The following HPSE2 variants were observed in gnomAD, a reference collection of about 807,000 sequenced individuals.
The protein encoded by HPSE2 is heparanase 2 (inactive), also known as inactive heparanase-2.
A neutral mutation model predicts 60.5 loss-of-function variants in HPSE2; 38 were observed. The ratio of observed to expected loss-of-function variants is 0.63; its 90% CI spans 0.48 to 0.82. HPSE2 has a LOEUF of 0.82. Among genes scored for constraint, HPSE2 ranks in the 40% least tolerant of loss-of-function variants. The probability of loss-of-function intolerance (pLI) is 0.00; values close to 1 mark genes in which losing one functional copy is unlikely to be tolerated. For synonymous variants in HPSE2, 295 were observed against 293.2 expected, an observed-to-expected ratio of 1.01 and a Z score of -0.06; for missense variants, 713 against 740.4, an observed-to-expected ratio of 0.96 and a Z score of 0.43.
chr10:99,151,222 A>C (rs1488046993), intron 2 of HPSE2, among the ~76,000 whole-genome samples: 1 of 152,084 alleles, frequency 6.6e-6, no homozygotes, highest in Non-Finnish European at 1.5e-5. Flanking sequence ...GCCAGTTTCC[A>C]ATAAAATATT....
rs147557517 is a variant in HPSE2 at position 99,003,277 on chromosome 10, A to C, written c.610+140961T>G. On this transcript the variant is annotated intron_variant, in intron 3 of 11. Coordinates refer to ENST00000370552, the MANE Select transcript of HPSE2 (RefSeq NM_021828.5). ...GCTTGTGGACACTTAGATTGATTCC[A>C]TATATGGCTATTATGAATAATGCTG... 7.6e-3 allele frequency among the ~76,000 whole-genome samples: 1,155 copies of C among 152,150 alleles called. 8 individuals are homozygous for C. The highest frequency in any genetic ancestry group is 0.027 in the African/African-American group (1,109 of 41,536).
intron 3 of HPSE2, chr10:99,013,246 AT>A: frequency 4.6e-6 from 3 of 646,816 alleles, no homozygotes; most frequent in Non-Finnish European, 5.9e-6. Context: ...ACAGTTATGC[AT>A]TTTTTAACAT....
chr10:99,179,361 T>C (rs555687319), intron 2 of HPSE2, among the ~76,000 whole-genome samples: 1 of 152,140 alleles, frequency 6.6e-6, no homozygotes, highest in African/African-American at 2.4e-5. Flanking sequence ...GATTGTATAT[T>C]TAGAAAACCC....
At chr10:98,593,174 G>GAAGGAA (rs1206306706) in intron 9 of HPSE2, among the ~76,000 whole-genome samples, 1 of 152,142 alleles carries the variant, frequency 6.6e-6, no homozygotes, top group African/African-American at 2.4e-5. Flanking sequence ...AACTATGATA[G>GAAGGAA]AAGGAACTAA....
At chr10:99,252,535 A>C in the HPSE2 span, among the ~76,000 whole-genome samples, 1 of 152,160 alleles carries the variant, frequency 6.6e-6, no homozygotes, top group East Asian at 1.9e-4. Flanking sequence ...ATAATGTTCA[A>C]TCTAAGAGCC....
At chr10:99,091,426 T>C (rs996947838) in intron 3 of HPSE2, among the ~76,000 whole-genome samples, 7 of 152,174 alleles carry the variant, frequency 4.6e-5, no homozygotes, top group Non-Finnish European at 8.8e-5. Flanking sequence ...CCCAGGTCTC[T>C]AGACTCTATG....
intron 9 of HPSE2, among the ~76,000 whole-genome samples, chr10:98,503,790 T>A (rs1214117795): frequency 6.6e-6 from 1 of 152,188 alleles, no homozygotes; most frequent in Admixed American, 6.5e-5. Flanking sequence ...TTCTCACTGA[T>A]AATGTGGGAG....
intron 3 of HPSE2, among the ~76,000 whole-genome samples, chr10:99,020,303 TTAAA>T (rs146482734): frequency 0.019 from 2,920 of 152,262 alleles, 105 homozygotes; most frequent in East Asian, 0.15. Flanking sequence ...CTTATAATTA[TTAAA>T]TAAATTAAAT....
intron 10 of HPSE2, among the ~76,000 whole-genome samples, chr10:98,484,164 T>C (rs1320879616): frequency 6.6e-6 from 1 of 152,218 alleles, no homozygotes. Context: ...ACCATGTCCT[T>C]TGCCTGCCTG....
intron 9 of HPSE2, among the ~76,000 whole-genome samples, chr10:98,512,834 C>CACACACACACACACACAT (rs1241255955): frequency 1.3e-5 from 2 of 151,750 alleles, no homozygotes; most frequent in Non-Finnish European, 2.9e-5. Flanking sequence ...CACACACACA[C>CACACACACACACACACAT]ACACACACAG....
At position 99,136,330 on chromosome 10, in the gene HPSE2, A is replaced by G. The variant is rs576652730; in HGVS notation, c.610+7908T>C. Among the ~76,000 whole-genome samples the G allele has an allele frequency of 1.8e-3, 276 of 152,302 alleles. 2 individuals carry two copies. Among genetic ancestry groups the G allele is most frequent in the African/African-American group, 6.4e-3 (268 of 41,560 alleles). ...AGAGGTACAAAGAGGAACAGGTACC[A>G]TTCCTTCTGAAACTACTCCAAACAA... is the stretch of plus-strand genomic sequence containing the variant. On this transcript the variant is annotated intron_variant, in intron 3 of 11. Coordinates refer to ENST00000370552, the MANE Select transcript of HPSE2 (RefSeq NM_021828.5).
chr10:99,152,310 C>CA (rs1004063463), intron 2 of HPSE2, among the ~76,000 whole-genome samples: 801 of 53,652 alleles, frequency 0.015, 2 homozygotes, highest in African/African-American at 0.022. Flanking sequence ...GACTCCACCT[C>CA]AAAAAAAAAA....
At chr10:98,723,356 T>C (rs1291937797) in intron 4 of HPSE2, among the ~76,000 whole-genome samples, 1 of 148,770 alleles carries the variant, frequency 6.7e-6, no homozygotes, top group Non-Finnish European at 1.5e-5. Context: ...TGTTGCTGAA[T>C]TCGGTTTGCC....
chr10:98,562,494 A>G (rs1367606025), intron 9 of HPSE2, among the ~76,000 whole-genome samples: 1 of 152,070 alleles, frequency 6.6e-6, no homozygotes, highest in Non-Finnish European at 1.5e-5. Flanking sequence ...AGGCGGGCGG[A>G]TCACAAGGTC....
At chr10:98,895,798 A>C (rs1297127609) in intron 3 of HPSE2, among the ~76,000 whole-genome samples, 3 of 151,120 alleles carry the variant, frequency 2.0e-5, no homozygotes, top group African/African-American at 7.3e-5. Context: ...ACATGGATGA[A>C]ATTGGAAATC....
chr10:98,972,698 T>C (rs1287713478), intron 3 of HPSE2, among the ~76,000 whole-genome samples: 1 of 152,158 alleles, frequency 6.6e-6, no homozygotes, highest in Non-Finnish European at 1.5e-5. Context: ...ATTCCTGTCT[T>C]CTCTTACTTA....
At position 99,100,360 on chromosome 10, in the gene HPSE2, C is replaced by T. The variant is rs191720898; in HGVS notation, c.610+43878G>A. On this transcript the variant is annotated intron_variant, in intron 3 of 11. Transcript: ENST00000370552. ...CATGACAAATACATAAGCTTCAGTA[C>T]CCAACTCGATCAACTGGAAGAAAGG... is the stretch of plus-strand genomic sequence containing the variant. Among the ~76,000 whole-genome samples the T allele has an allele frequency of 3.2e-3, 486 of 152,140 alleles. 5 individuals carry two copies. The highest frequency in any genetic ancestry group is 3.5e-3 in the Non-Finnish European group (240 of 68,004).
chr10:98,542,703 C>T (rs1468837582), intron 9 of HPSE2, among the ~76,000 whole-genome samples: 6 of 149,964 alleles, frequency 4.0e-5, no homozygotes, highest in Admixed American at 6.6e-5. Flanking sequence ...GGAGCCGATG[C>T]GATCAACTGG....
At chr10:98,653,116 T>C (rs1489745664) in intron 6 of HPSE2, among the ~76,000 whole-genome samples, 2 of 152,214 alleles carry the variant, frequency 1.3e-5, no homozygotes, top group Non-Finnish European at 2.9e-5. Flanking sequence ...AATGGTGCTC[T>C]TTATCCCTGT....
Sources: allele counts gnomAD v4.1 joint callset (sites outside exome capture counted in the v4.1 genomes callset), GRCh38; gene constraint gnomAD v4.1.1; transcripts MANE v1.5; gene names NCBI Gene and HGNC (gene_info 2026-07-23, HGNC 2026-07-21).